The following PLXNA4 variants were observed in gnomAD, a reference collection of about 807,000 sequenced individuals.
PLXNA4 encodes plexin A4.
A neutral mutation model predicts 191.8 loss-of-function variants in PLXNA4; 44 were observed. That is an observed-to-expected ratio of 0.23 (90% confidence interval 0.18 to 0.29). PLXNA4 has a LOEUF of 0.29. Among genes scored for constraint, PLXNA4 ranks in the 10% least tolerant of loss-of-function variants. The probability of loss-of-function intolerance (pLI) is 1.00; values close to 1 mark genes in which losing one functional copy is unlikely to be tolerated. For missense variants in PLXNA4, 1,800 were observed against 2,488.8 expected (o/e 0.72, Z 5.89); for synonymous variants, 1,082 against 1,009.5 (o/e 1.07, Z -1.36).
intron 3 of PLXNA4, among the ~76,000 whole-genome samples, chr7:132,443,725 T>C (rs544258852): frequency 3.3e-5 from 5 of 152,360 alleles, no homozygotes; most frequent in Admixed American, 1.3e-4. Flanking sequence ...AATATTGCTA[T>C]TGAAGGATTC....
In PLXNA4 at chr7:132,508,339, G is replaced by C; in HGVS notation, c.355C>G (p.Leu119Val). 1 of 1,614,208 alleles carries C rather than the reference G, an allele frequency of 6.2e-7. No homozygotes were observed. Among genetic ancestry groups the C allele is most frequent in the Non-Finnish European group, 8.5e-7 (1 of 1,180,048 alleles). ...AGCCTGTTCTCCTTGTAGTCTATGA[G>C]GAGCATCTTGTTGACATTGTTGGTG... ...TTTNNVNKML[L>V]IDYKENRLIA... The change falls in exon 2 of 32, where the codon CTC becomes GTC. Residue 119 changes from leucine to valine, a missense_variant. Leu to Val is a conservative substitution (Grantham distance 32, BLOSUM62 1). Around this residue, in one of 6 missense-constraint regions of PLXNA4, gnomAD observed 1,397 missense variants for 1,880.4 expected, o/e 0.74. Transcript: ENST00000321063. This position sits in a 1 kb window ranked among gnomAD's most constrained non-coding sequence, Gnocchi z 4.4.
intron 1 of PLXNA4, among the ~76,000 whole-genome samples, chr7:132,564,349 TCTC>T (rs1801611928): frequency 1.2e-5 from 1 of 85,830 alleles, no homozygotes; most frequent in Admixed American, 1.1e-4. Flanking sequence ...TCCTCCTCCT[TCTC>T]CTCTTTCTCC....
chr7:132,466,558 G>A (rs1796711511), intron 3 of PLXNA4, among the ~76,000 whole-genome samples: 1 of 152,244 alleles, frequency 6.6e-6, no homozygotes, highest in African/African-American at 2.4e-5. Flanking sequence ...GGCTGGAGCT[G>A]CTGTGGGGAA....
At chr7:132,626,484 T>G (rs546961978) in intron 2 of PLXNA4, among the ~76,000 whole-genome samples, 1 of 152,170 alleles carries the variant, frequency 6.6e-6, no homozygotes, top group Non-Finnish European at 1.5e-5. Flanking sequence ...CATGAGTGGT[T>G]TAGCACCATC....
At chr7:132,582,172 T>C, upstream of PLXNA4, among the ~76,000 whole-genome samples, 1 of 152,210 alleles carries the variant, frequency 6.6e-6, no homozygotes, top group East Asian at 1.9e-4. Context: ...ATGGCACCTC[T>C]CTCTTGGCAC....
At chr7:132,299,165 C>A (rs886122487) in intron 3 of PLXNA4, among the ~76,000 whole-genome samples, 4 of 152,238 alleles carry the variant, frequency 2.6e-5, no homozygotes, top group Admixed American at 6.5e-5. Context: ...ACAAATATTA[C>A]TGAGAGTGTG....
chr7:132,345,442 C>T (rs1368298650), intron 3 of PLXNA4, among the ~76,000 whole-genome samples: 1 of 152,214 alleles, frequency 6.6e-6, no homozygotes, highest in Non-Finnish European at 1.5e-5. Flanking sequence ...GCACATTGAT[C>T]TCTCCTGCAG....
chr7:132,510,046 C>T (rs1364457599), intron 1 of PLXNA4, among the ~76,000 whole-genome samples: 4 of 152,236 alleles, frequency 2.6e-5, no homozygotes, highest in Non-Finnish European at 5.9e-5. Flanking sequence ...AACAAGATCA[C>T]TCCCCATCCT....
At chr7:132,433,468 C>T (rs538407473) in intron 3 of PLXNA4, among the ~76,000 whole-genome samples, 1 of 152,244 alleles carries the variant, frequency 6.6e-6, no homozygotes, top group Non-Finnish European at 1.5e-5. Flanking sequence ...CATGTGGCCA[C>T]GGCCACAGCA....
At chr7:132,227,293 C>T (rs1314749382) in intron 7 of PLXNA4, among the ~76,000 whole-genome samples, 158 bp downstream of exon 7, 1 of 152,190 alleles carries the variant, frequency 6.6e-6, no homozygotes, top group Non-Finnish European at 1.5e-5. Flanking sequence ...GAGGGAGATC[C>T]CATCCCCCTC....
At chr7:132,505,930 G>T (rs1368434784) in intron 2 of PLXNA4, among the ~76,000 whole-genome samples, 1 of 152,096 alleles carries the variant, frequency 6.6e-6, no homozygotes, top group Non-Finnish European at 1.5e-5. Flanking sequence ...CATTCCCAAA[G>T]GTTGTCACCT....
Position 132,164,261 on chromosome 7 carries a change from G to T in PLXNA4, c.4381C>A (p.Leu1461Met). The change falls in exon 24 of 32, where the codon CTG becomes ATG. Residue 1461 changes from leucine to methionine, a missense_variant. Coordinates refer to ENST00000321063, the MANE Select transcript of PLXNA4 (RefSeq NM_020911.2). ...ATCTGCTGCTTGATGGCACAGAACAGGGAGAAGAGGGGCTCCCCAGCACAC... is the reference window on the plus strand; with the variant it reads ...ATCTGCTGCTTGATGGCACAGAACATGGAGAAGAGGGGCTCCCCAGCACAC... Reference protein sequence around the residue: ...KECAGEPLFSLFCAIKQQMEK... With the variant: ...KECAGEPLFSMFCAIKQQMEK... The T allele has an allele frequency of 6.2e-7, 1 of 1,614,164 alleles. No homozygotes were observed. Among genetic ancestry groups the T allele is most frequent in the East Asian group, 2.2e-5 (1 of 44,862 alleles).
At chr7:132,159,785 C>T (rs1414745645) in intron 24 of PLXNA4, among the ~76,000 whole-genome samples, 153 bp from the exon 25 acceptor site, 2 of 152,326 alleles carry the variant, frequency 1.3e-5, no homozygotes, top group Admixed American at 6.5e-5. Context: ...ATCTGTGCTC[C>T]CACCAAGCCC....
intron 2 of PLXNA4, among the ~76,000 whole-genome samples, chr7:132,633,419 ATTACAGGTGCC>A (rs1803532012): frequency 6.6e-6 from 1 of 151,926 alleles, no homozygotes; most frequent in Non-Finnish European, 1.5e-5. Context: ...AGTAGCTGGG[ATTACAGGTGCC>A]CACCACCACA....
chr7:132,419,728 A>G (rs1336780007), intron 3 of PLXNA4, among the ~76,000 whole-genome samples: 2 of 152,228 alleles, frequency 1.3e-5, no homozygotes, highest in African/African-American at 4.8e-5. Flanking sequence ...TAAAGGCCAG[A>G]TAAGAAATAT....
At chr7:132,236,877 C>G (rs1384124978) in intron 5 of PLXNA4, among the ~76,000 whole-genome samples, 1 of 152,174 alleles carries the variant, frequency 6.6e-6, no homozygotes, top group Non-Finnish European at 1.5e-5. Context: ...CCTTTCTCTC[C>G]TGCTGAGCCC....
chr7:132,229,416 C>T (rs1227507390), intron 5 of PLXNA4, among the ~76,000 whole-genome samples: 2 of 152,174 alleles, frequency 1.3e-5, no homozygotes, highest in African/African-American at 4.8e-5. Flanking sequence ...TGCATGGAGG[C>T]ATCTGAATTT....
intron 10 of PLXNA4, among the ~76,000 whole-genome samples, chr7:132,206,875 G>A (rs1314059503): frequency 6.6e-6 from 1 of 152,118 alleles, no homozygotes; most frequent in South Asian, 2.1e-4. Flanking sequence ...ACAAAGCTCA[G>A]AGCCCAGGGA....
intron 3 of PLXNA4, among the ~76,000 whole-genome samples, chr7:132,470,091 T>G (rs1796877194): frequency 6.6e-6 from 1 of 152,164 alleles, no homozygotes; most frequent in African/African-American, 2.4e-5. Context: ...TTCTCAAAAG[T>G]TTTTTATGCC....
Sources: gnomAD v4.1 joint callset for allele counts (sites outside exome capture counted in the v4.1 genomes callset) on GRCh38, gnomAD v4.1.1 for gene constraint, gnomAD v4.1.1 regional missense constraint, Gnocchi (gnomAD v3.1) non-coding constraint, MANE v1.5 for transcripts, NCBI Gene and HGNC (gene_info 2026-07-23, HGNC 2026-07-21) for gene names.